The following DBH variants were observed in gnomAD, a reference collection of about 807,000 sequenced individuals.
DBH encodes dopamine beta-hydroxylase (dopamine beta-monooxygenase).
In DBH, 49 loss-of-function variants were observed where a neutral mutation model predicts 64.0. That is an observed-to-expected ratio of 0.77 (90% CI 0.61 to 0.97). The LOEUF (loss-of-function observed/expected upper bound fraction) is 0.97, where lower values mean the gene tolerates loss of function less well. Ranked by LOEUF, DBH falls within the 50% of genes least tolerant of loss-of-function variation. DBH has a pLI of 0.00. For synonymous variants in DBH, 343 were observed against 347.1 expected (o/e 0.99, Z 0.13); for missense variants, 828 against 826.6 (o/e 1.00, Z -0.02).
chr9:133,657,415 G>C, intron 11 of DBH, 186 bp downstream of exon 11: 1 of 46,236 alleles, frequency 2.2e-5, no homozygotes, highest in Non-Finnish European at 4.4e-5. Context: ...AGAGGAGAGA[G>C]GAGAGAGAGG....
intron 11 of DBH, 133 bp from the exon 12 acceptor site, chr9:133,658,183 G>A: frequency 3.3e-6 from 4 of 1,226,280 alleles, no homozygotes; most frequent in East Asian, 2.4e-5. Context: ...ACTTGGGGGA[G>A]CAGAGTGAGT....
rs1832057550 is a variant in DBH at position 133,636,698 on chromosome 9, T to C, written c.327T>C (p.Thr109=). ...DLVVLWTDGD[T]AYFADAWSDQ... Reference sequence around the variant, plus strand: ...TGGTGCTCTGGACCGATGGGGACACTGCCTATTTTGCGGTGAGTCTCTCCT... The same window carrying C: ...TGGTGCTCTGGACCGATGGGGACACCGCCTATTTTGCGGTGAGTCTCTCCT... Residue 109 remains threonine (T), a synonymous_variant, in exon 1 of 12, where the codon ACT becomes ACC. Coordinates refer to ENST00000393056, the MANE Select transcript of DBH (RefSeq NM_000787.4). The C allele has an allele frequency of 6.2e-7, 1 of 1,602,554 alleles. No individual in the cohort carries two copies. The highest frequency in any genetic ancestry group is 1.1e-5 in the South Asian group (1 of 91,070).
At chr9:133,657,390 C>A in intron 11 of DBH, 161 bp downstream of exon 11, 3 of 657,716 alleles carry the variant, frequency 4.6e-6, no homozygotes, top group Non-Finnish European at 5.0e-6. Context: ...AGACAGCCAG[C>A]CAGCCAGCAG....
At chr9:133,644,042 GAT>G (rs761703802) in intron 4 of DBH, among the ~76,000 whole-genome samples, 174 bp from the exon 5 acceptor site, 19 of 152,190 alleles carry the variant, frequency 1.2e-4, no homozygotes, top group Non-Finnish European at 1.8e-4. Flanking sequence ...AGTCTCACAG[GAT>G]GTTCCTGGGG....
At chr9:133,653,797 G>A (rs1029959138) in intron 9 of DBH, among the ~76,000 whole-genome samples, 7 of 152,214 alleles carry the variant, frequency 4.6e-5, no homozygotes, top group South Asian at 2.1e-4. Context: ...ATCACGCAGC[G>A]GGGCTGCTTC....
chr9:133,640,505 G>T (rs1832105752), intron 2 of DBH, among the ~76,000 whole-genome samples: 1 of 152,222 alleles, frequency 6.6e-6, no homozygotes, highest in Non-Finnish European at 1.5e-5. Flanking sequence ...GGAGTTCATG[G>T]GAGCCATAAA....
intron 2 of DBH, among the ~76,000 whole-genome samples, chr9:133,641,997 G>A (rs1832121074): frequency 6.6e-6 from 1 of 152,220 alleles, no homozygotes; most frequent in Non-Finnish European, 1.5e-5. Flanking sequence ...AGTATTTGAT[G>A]GCCGGTGCAA....
chr9:133,651,770 A>G lies in DBH; in HGVS notation c.1328A>G (p.His443Arg), dbSNP rs763712823. The G allele has an allele frequency of 3.8e-6, 6 of 1,598,746 alleles. No individual in the cohort carries two copies. Among genetic ancestry groups the G allele is most frequent in the Non-Finnish European group, 5.1e-6 (6 of 1,173,226 alleles). ...AACCAGGACAATCACTACAGCCCTC[A>G]CTTCCAGGTAGGAACCTGCACCCCA... ...IVNQDNHYSPHFQEIRMLKKV... is the reference protein window; with the variant it reads ...IVNQDNHYSPRFQEIRMLKKV... Residue 443 changes from histidine to arginine, a missense_variant, in exon 7 of 12, where the codon CAC becomes CGC. His to Arg is a conservative substitution (Grantham distance 29, BLOSUM62 0). Coordinates refer to ENST00000393056, the MANE Select transcript of DBH (RefSeq NM_000787.4).
At chr9:133,657,339 A>G in intron 11 of DBH, 110 bp downstream of exon 11, 1 of 1,365,764 alleles carries the variant, frequency 7.3e-7, no homozygotes, top group Non-Finnish European at 1.0e-6. Context: ...GCACTCGCAC[A>G]AGACAATGAG....
At chr9:133,636,900 A>G (rs1289399247) in intron 1 of DBH, among the ~76,000 whole-genome samples, 190 bp downstream of exon 1, 1 of 152,150 alleles carries the variant, frequency 6.6e-6, no homozygotes, top group Non-Finnish European at 1.5e-5. Flanking sequence ...TTGAGGACAA[A>G]ATAGGAAAGA....
intron 8 of DBH, 59 bp from the exon 9 acceptor site, chr9:133,652,881 C>T: frequency 7.5e-7 from 1 of 1,329,660 alleles, no homozygotes; most frequent in Middle Eastern, 2.1e-4. Context: ...GGGGCGAGGC[C>T]TCCAGCACCT....
intron 5 of DBH, among the ~76,000 whole-genome samples, chr9:133,645,582 C>A (rs566383499): frequency 3.3e-5 from 5 of 152,292 alleles, no homozygotes; most frequent in Admixed American, 1.3e-4. Context: ...AATTGCAACA[C>A]CCTTTTTATT....
Position 133,636,423 on chromosome 9 carries a change from G to T in DBH, c.52G>T (p.Ala18Ser). Residue 18 changes from alanine to serine, a missense_variant, in exon 1 of 12, where the codon GCA (alanine) becomes TCA (serine). Transcript: ENST00000393056. ...ASLPGPSMRE[A>S]AFMYSTAVAI... is the part of the protein sequence containing the mutation. ...CCTGCCCGGCCCCAGCATGCGGGAG[G>T]CAGCCTTCATGTACAGCACAGCAGT... 6.2e-7 allele frequency: 1 copy of T among 1,612,528 alleles called. No individual in the cohort carries two copies. The highest frequency in any genetic ancestry group is 8.5e-7 in the Non-Finnish European group (1 of 1,179,924).
rs1446420470 is a variant in DBH at position 133,648,028 on chromosome 9, C to T, written c.1191+16C>T. 3 of 1,606,170 alleles carry T rather than the reference C, an allele frequency of 1.9e-6. No homozygotes were observed. Among genetic ancestry groups the T allele is most frequent in the Admixed American group, 3.4e-5 (2 of 59,466 alleles). Reference sequence around the variant, plus strand: ...CACCCAGCTGGTGAGTGGGGCTGGGCCCGGCACTGCACCCTCCCTCCTCCC... The same window carrying T: ...CACCCAGCTGGTGAGTGGGGCTGGGTCCGGCACTGCACCCTCCCTCCTCCC... On this transcript the variant is annotated intron_variant, in intron 6 of 11. Transcript: ENST00000393056.
chr9:133,649,276 T>C (rs1832218026), intron 6 of DBH, among the ~76,000 whole-genome samples: 2 of 152,234 alleles, frequency 1.3e-5, no homozygotes, highest in Non-Finnish European at 2.9e-5. Context: ...ATTTCATAGT[T>C]TGTGTATATG....
intron 1 of DBH, among the ~76,000 whole-genome samples, chr9:133,638,413 T>TAAGATTAA (rs1315539140): frequency 6.6e-6 from 1 of 152,316 alleles, no homozygotes; most frequent in African/African-American, 2.4e-5. Context: ...ACCCTGAATG[T>TAAGATTAA]AAGATTAAAA....
At chr9:133,653,893 T>TCCGTGCCAGC (rs1832280869) in intron 9 of DBH, among the ~76,000 whole-genome samples, 1 of 152,166 alleles carries the variant, frequency 6.6e-6, no homozygotes, top group Non-Finnish European at 1.5e-5. Context: ...ACCTTGCCAG[T>TCCGTGCCAGC]GGATCCGTGC....
chr9:133,646,755 C>T (rs1203266514), intron 5 of DBH, among the ~76,000 whole-genome samples: 2 of 152,152 alleles, frequency 1.3e-5, no homozygotes, highest in Admixed American at 1.3e-4. Flanking sequence ...AACTCCCAAC[C>T]TCAGGTGATC....
chr9:133,657,104 G>T lies in DBH; in HGVS notation c.1597G>T (p.Ala533Ser), dbSNP rs760544106. The change falls in exon 11 of 12, where the codon GCG (alanine) becomes TCG (serine). Residue 533 changes from alanine to serine, a missense_variant. Physicochemically the swap from Ala to Ser is moderately conservative, Grantham distance 99 (BLOSUM62 1). Coordinates refer to ENST00000393056, the MANE Select transcript of DBH (RefSeq NM_000787.4). Reference protein sequence around the residue: ...NNEDVCTCPQASVSQQFTSVP... With the variant: ...NNEDVCTCPQSSVSQQFTSVP... ...CGAGGATGTCTGCACCTGCCCTCAG[G>T]CGTCCGTGTCTCAGCAGTTCACCTC... The T allele has an allele frequency of 6.2e-7, 1 of 1,614,044 alleles. No homozygotes were observed. Among genetic ancestry groups the T allele is most frequent in the Non-Finnish European group, 8.5e-7 (1 of 1,180,034 alleles).
Sources: allele counts gnomAD v4.1 joint callset (sites outside exome capture counted in the v4.1 genomes callset), GRCh38; gene constraint gnomAD v4.1.1; transcripts MANE v1.5; gene names NCBI Gene and HGNC (gene_info 2026-07-23, HGNC 2026-07-21).